FHIP1A: variants seen among roughly 807,000 people sequenced by gnomAD.
The protein encoded by FHIP1A is FHF complex subunit HOOK-interacting protein 1A.
In FHIP1A, 61 loss-of-function variants were observed where a neutral mutation model predicts 88.6. The ratio of observed to expected loss-of-function variants is 0.69; its 90% CI spans 0.56 to 0.85. FHIP1A has a LOEUF of 0.85. FHIP1A is among the 40% of genes least tolerant of loss of function. FHIP1A has a pLI of 0.00. For synonymous variants in FHIP1A, 478 were observed against 496.0 expected (o/e 0.96, Z 0.48); for missense variants, 1,154 against 1,273.5 (o/e 0.91, Z 1.43).
chr4:151,489,685 G>T (rs1345613704), intron 3 of FHIP1A, among the ~76,000 whole-genome samples: 1 of 152,134 alleles, frequency 6.6e-6, no homozygotes, highest in Admixed American at 6.5e-5. Context: ...GGTGAGACCT[G>T]TCATTGCCGA....
intron 1 of FHIP1A, among the ~76,000 whole-genome samples, chr4:151,415,580 A>G (rs924001837): frequency 6.6e-6 from 1 of 152,240 alleles, no homozygotes; most frequent in Non-Finnish European, 1.5e-5. Flanking sequence ...TGAAAGTGTT[A>G]TCATTGTACA....
intron 3 of FHIP1A, among the ~76,000 whole-genome samples, chr4:151,501,428 C>T (rs974602487): frequency 6.6e-6 from 1 of 152,144 alleles, no homozygotes; most frequent in Non-Finnish European, 1.5e-5. Context: ...TATTTCTCCA[C>T]ATCCTCACTA....
At position 151,469,615 on chromosome 4, in the gene FHIP1A, A is replaced by G. The variant is rs376626913; in HGVS notation, c.-247-12909A>G. 9.9e-4 allele frequency among the ~76,000 whole-genome samples: 151 copies of G among 152,292 alleles called. 1 individual carries two copies. The highest frequency in any genetic ancestry group is 3.4e-3 in the Middle Eastern group (1 of 294). ...ATGCCTAGAAAATTCTCAAAAGTTC[A>G]TTATGTCTAAAAGACTGTTTACTGG... On this transcript the variant is annotated intron_variant, in intron 2 of 13. Transcript: ENST00000435205.
chr4:151,570,034 C>T (rs1733539072), intron 4 of FHIP1A, among the ~76,000 whole-genome samples: 1 of 152,192 alleles, frequency 6.6e-6, no homozygotes. Flanking sequence ...TATAAGTTGC[C>T]AGAGCAATGA....
intron 3 of FHIP1A, among the ~76,000 whole-genome samples, chr4:151,505,627 A>T (rs1408679001): frequency 6.6e-6 from 1 of 152,204 alleles, no homozygotes; most frequent in African/African-American, 2.4e-5. Context: ...GAATGTTCAC[A>T]AAAAGAGAAA....
At chr4:151,588,730 C>T (rs1303071533) in intron 6 of FHIP1A, 110 bp from the exon 7 acceptor site, 2 of 767,056 alleles carry the variant, frequency 2.6e-6, no homozygotes, top group Non-Finnish European at 4.5e-6. Flanking sequence ...GAATAAATGG[C>T]CAAAATGTGG....
intron 1 of FHIP1A, among the ~76,000 whole-genome samples, chr4:151,444,059 A>T (rs1209832338): frequency 6.6e-6 from 1 of 152,000 alleles, no homozygotes; most frequent in African/African-American, 2.4e-5. Flanking sequence ...GGCTCTATTG[A>T]GCAGATTGCC....
chr4:151,669,921 GA>G lies in FHIP1A; in HGVS notation c.*7169del, dbSNP rs1481658771. 2 of 152,274 alleles carry G rather than the reference GA, an allele frequency of 1.3e-5. No individual in the cohort carries two copies. The highest frequency in any genetic ancestry group is 3.9e-4 in the East Asian group (2 of 5,178). The allele number at this position is 152,274 out of a possible 1,614,324, so 9.4% of individuals were successfully genotyped here. A position where few individuals can be genotyped will look rare whatever the true frequency, so the allele number is the denominator to read the frequency against. On this transcript the variant is annotated 3_prime_UTR_variant, in exon 14 of 14. Transcript: ENST00000435205. ...AGTCCTGAGGAACTGTGCAAGCCAGGAAGCATGAGTCGCTGAATTGGTGATG... is the reference window on the plus strand; with the variant it reads ...AGTCCTGAGGAACTGTGCAAGCCAGGAGCATGAGTCGCTGAATTGGTGATG...
chr4:151,616,447 T>TCTTTC (rs1438269553), intron 7 of FHIP1A, among the ~76,000 whole-genome samples: 17 of 138,142 alleles, frequency 1.2e-4, no homozygotes, highest in South Asian at 4.9e-4. Context: ...TTTCTTTCTT[T>TCTTTC]TTTTTTTTTT....
At chr4:151,604,416 G>T (rs937705325) in intron 7 of FHIP1A, among the ~76,000 whole-genome samples, 5 of 152,070 alleles carry the variant, frequency 3.3e-5, no homozygotes, top group Non-Finnish European at 5.9e-5. Context: ...ATTCACAGGG[G>T]TACTAGGAGA....
intron 3 of FHIP1A, among the ~76,000 whole-genome samples, chr4:151,565,662 C>G (rs1341815988): frequency 6.6e-6 from 1 of 152,012 alleles, no homozygotes; most frequent in African/African-American, 2.4e-5. Flanking sequence ...GTTTATTTCT[C>G]TTGCTGTTAA....
Position 151,514,185 on chromosome 4 carries a change from A to T in FHIP1A, c.-123+31537A>T, listed in dbSNP as rs553124955. ...CAATCAACTACATGGAAACTGAACA[A>T]CTTGCTCCTGAATGACTACTGGGTA... On this transcript the variant is annotated intron_variant, in intron 3 of 13. Transcript: ENST00000435205. Among the ~76,000 whole-genome samples the T allele has an allele frequency of 3.9e-5, 6 of 152,376 alleles. No individual in the cohort carries two copies. In the East Asian group the frequency reaches 7.7e-4, roughly 20 times the overall value.
At chr4:151,518,284 G>A (rs1324591362) in intron 3 of FHIP1A, among the ~76,000 whole-genome samples, 1 of 152,046 alleles carries the variant, frequency 6.6e-6, no homozygotes, top group East Asian at 1.9e-4. Flanking sequence ...ATGCTGTACA[G>A]GTTTGTAGCC....
At chr4:151,618,106 A>C (rs569777580) in intron 7 of FHIP1A, among the ~76,000 whole-genome samples, 40 of 152,198 alleles carry the variant, frequency 2.6e-4, no homozygotes, top group Admixed American at 2.6e-3. Flanking sequence ...TCTTTTGTGT[A>C]TCCTCAGCTG....
chr4:151,644,375 AG>A (rs1736708305), intron 9 of FHIP1A, among the ~76,000 whole-genome samples: 1 of 151,838 alleles, frequency 6.6e-6, no homozygotes. Flanking sequence ...TTTTAGAGAC[AG>A]GCTCTCACTC....
chr4:151,549,489 TAA>T lies in FHIP1A; in HGVS notation c.-122-16628_-122-16627del, dbSNP rs57072592. Among the ~76,000 whole-genome samples, 958 of 112,678 alleles carry T rather than the reference TAA, an allele frequency of 8.5e-3. 5 individuals are homozygous for T. The highest frequency in any genetic ancestry group is 0.023 in the African/African-American group (680 of 29,258). 73.9% of individuals were successfully genotyped at this position (112,678 alleles called of 152,430 possible). A position where few individuals can be genotyped will look rare whatever the true frequency, so the allele number is the denominator to read the frequency against. On this transcript the variant is annotated intron_variant, in intron 3 of 13. Transcript: ENST00000435205. Reference sequence around the variant, plus strand: ...CTGGGCGAGAGAGTGAGACTCTGTCTAAAAAAAAAAAAAAAAAAAAAATAGTT... The same window carrying T: ...CTGGGCGAGAGAGTGAGACTCTGTCTAAAAAAAAAAAAAAAAAAAATAGTT...
chr4:151,453,324 T>A (rs1215280510), intron 1 of FHIP1A, among the ~76,000 whole-genome samples: 1 of 152,174 alleles, frequency 6.6e-6, no homozygotes, highest in Non-Finnish European at 1.5e-5. Context: ...CCCATAGTTT[T>A]AATTTTTCAT....
At chr4:151,526,652 G>A (rs1302203457) in intron 3 of FHIP1A, among the ~76,000 whole-genome samples, 2 of 150,416 alleles carry the variant, frequency 1.3e-5, no homozygotes, top group Non-Finnish European at 3.0e-5. Flanking sequence ...GCGGCTGGCC[G>A]GGCGGGGGGC....
intron 3 of FHIP1A, among the ~76,000 whole-genome samples, chr4:151,529,139 T>C (rs1030248842): frequency 5.9e-5 from 9 of 152,048 alleles, no homozygotes; most frequent in Non-Finnish European, 8.8e-5. Flanking sequence ...GGGTGTAGGC[T>C]CCCCACCTAC....
Sources: allele counts gnomAD v4.1 joint callset (sites outside exome capture counted in the v4.1 genomes callset), GRCh38; gene constraint gnomAD v4.1.1; transcripts MANE v1.5; gene names NCBI Gene and HGNC (gene_info 2026-07-23, HGNC 2026-07-21).